The following SPARCL1 variants were observed in gnomAD, a reference collection of about 807,000 sequenced individuals.
SPARCL1 encodes the protein SPARC like 1.
SPARCL1 carries 52 observed loss-of-function variants against 67.1 expected under a neutral mutation model. The observed-to-expected ratio is 0.78, with a 90% CI of 0.62 to 0.98. SPARCL1 has a LOEUF of 0.98. Ranked by LOEUF, SPARCL1 falls within the 50% of genes least tolerant of loss-of-function variation. The probability of loss-of-function intolerance (pLI) is 0.00; values close to 1 mark genes in which losing one functional copy is unlikely to be tolerated. For missense variants in SPARCL1, 717 were observed against 782.4 expected (o/e 0.92, Z 1.00); for synonymous variants, 226 against 267.8 (o/e 0.84, Z 1.52).
At position 87,473,777 on chromosome 4, in the gene SPARCL1, A is replaced by C. The variant is rs1423910460; in HGVS notation, c.1993T>G (p.Ter665GlyextTer16). The change falls in exon 11 of 11, where the codon TGA (stop) becomes GGA (glycine). Residue 665 changes from the stop codon to glycine (G), a stop_lost. Transcript: ENST00000282470. ...EEDIDENLLF[*>G] ...GTTGAGTTCTTTAAAATCTTCGTTCAAAACAAGAGATTTTCATCTATGTCC... is the reference window on the plus strand; with the variant it reads ...GTTGAGTTCTTTAAAATCTTCGTTCCAAACAAGAGATTTTCATCTATGTCC... 2 of 1,609,222 alleles carry C rather than the reference A, an allele frequency of 1.2e-6. No individual in the cohort carries two copies. Among genetic ancestry groups the C allele is most frequent in the East Asian group, 2.2e-5 (1 of 44,798 alleles).
At chr4:87,503,661 G>A (rs2110240423) in intron 1 of SPARCL1, among the ~76,000 whole-genome samples, 1 of 148,036 alleles carries the variant, frequency 6.8e-6, no homozygotes, top group Admixed American at 6.8e-5. Context: ...TTCTAACTCA[G>A]CAAATGAAGT....
rs115887780 is a variant in SPARCL1, at chr4:87,490,003, T to C, written c.1531+270A>G. On this transcript the variant is annotated intron_variant, in intron 7 of 10. Transcript: ENST00000282470. The stretch of plus-strand genomic sequence containing the variant: ...AAGTGGATAGCATTATCATAGTGGT[T>C]CTGAGCCCTGGCTGCACATTAGAAT... Among the ~76,000 whole-genome samples the C allele has an allele frequency of 4.7e-3, 710 of 152,332 alleles. 8 individuals are homozygous for C. The highest frequency in any genetic ancestry group is 0.016 in the African/African-American group (682 of 41,568).
rs767798129 is a variant in SPARCL1 at position 87,482,392 on chromosome 4, A to G, written c.1668+32T>C. On this transcript the variant is annotated intron_variant, in intron 8 of 10. Coordinates refer to ENST00000282470, the MANE Select transcript of SPARCL1 (RefSeq NM_004684.6). ...TTTCTTCCTCATGCCCTGTAGACAG[A>G]CATTGAAGAAGCTAACCTGTGGATA... 7 of 1,608,000 alleles carry G rather than the reference A, an allele frequency of 4.4e-6. No homozygotes were observed. The South Asian group carries it at 7.7e-5, about 18-fold the overall frequency.
At chr4:87,522,380 G>A (rs1725851868) in intron 1 of SPARCL1, among the ~76,000 whole-genome samples, 1 of 151,882 alleles carries the variant, frequency 6.6e-6, no homozygotes, top group Non-Finnish European at 1.5e-5. Context: ...TTGGGGCTTT[G>A]AGACTAACCA....
intron 1 of SPARCL1, among the ~76,000 whole-genome samples, chr4:87,511,982 T>TTTTTTA (rs1725381279): frequency 6.7e-6 from 1 of 149,806 alleles, no homozygotes; most frequent in Non-Finnish European, 1.5e-5. Flanking sequence ...TTTTTTTTTT[T>TTTTTTA]GAGACAGAGT....
chr4:87,509,189 A>G (rs1725245122), intron 1 of SPARCL1, among the ~76,000 whole-genome samples: 1 of 151,860 alleles, frequency 6.6e-6, no homozygotes, highest in African/African-American at 2.4e-5. Context: ...GGTAGTTGAT[A>G]ATAGCTAACT....
At position 87,493,705 on chromosome 4, in the gene SPARCL1, GC is replaced by G; in HGVS notation, c.1094del (p.Ser365ThrfsTer32). 1 of 1,614,118 alleles carries G rather than the reference GC, an allele frequency of 6.2e-7. No individual in the cohort carries two copies. Among genetic ancestry groups the G allele is most frequent in the Non-Finnish European group, 8.5e-7 (1 of 1,180,016 alleles). ...CTCTCTCGGCCTCCAGAAAGGCCTG[GC>G]TTGGGATGAAGTAGTCATCACTTGC... ...HSASDDYFIP[S>X]QAFLEAERAQ... On this transcript the variant is annotated frameshift_variant, in exon 4 of 11. Coordinates refer to ENST00000282470, the MANE Select transcript of SPARCL1 (RefSeq NM_004684.6). LOFTEE classifies it high-confidence loss of function.
intron 7 of SPARCL1, among the ~76,000 whole-genome samples, chr4:87,482,988 A>T: frequency 6.6e-6 from 1 of 152,172 alleles, no homozygotes; most frequent in East Asian, 1.9e-4. Flanking sequence ...GCTTAAAGAA[A>T]CAGAAGTCAA....
At chr4:87,496,862 G>C (rs990479620) in intron 2 of SPARCL1, among the ~76,000 whole-genome samples, 1 of 151,958 alleles carries the variant, frequency 6.6e-6, no homozygotes, top group Admixed American at 6.6e-5. Context: ...TGGAGTACAG[G>C]ATTTATTTTT....
At chr4:87,509,346 T>G (rs1725252116) in intron 1 of SPARCL1, among the ~76,000 whole-genome samples, 1 of 152,172 alleles carries the variant, frequency 6.6e-6, no homozygotes. Flanking sequence ...AAAGATTAAG[T>G]AACTTGTTCA....
chr4:87,506,328 C>A (rs1419967849), intron 1 of SPARCL1, among the ~76,000 whole-genome samples: 1 of 152,170 alleles, frequency 6.6e-6, no homozygotes, highest in East Asian at 1.9e-4. Flanking sequence ...TATATGTCAA[C>A]TTGACTAGAC....
rs1156821736 is a variant in SPARCL1, at chr4:87,493,884, T to C, written c.916A>G (p.Ser306Gly). The C allele has an allele frequency of 7.4e-6, 12 of 1,614,112 alleles. No individual in the cohort carries two copies. The highest frequency in any genetic ancestry group is 1.3e-5 in the African/African-American group (1 of 74,944). ...QEGKTGLEAI[S>G]NHKETEEKTV... ...TTTTCTTCTGTCTCTTTGTGGTTGC[T>C]GATAGCTTCTAGGCCAGTTTTACCC... The change falls in exon 4 of 11, where the codon AGC becomes GGC. Residue 306 changes from serine to glycine, a missense_variant. Coordinates refer to ENST00000282470, the MANE Select transcript of SPARCL1 (RefSeq NM_004684.6).
At chr4:87,499,326 T>G (rs1347466391) in intron 2 of SPARCL1, among the ~76,000 whole-genome samples, 195 bp downstream of exon 2, 2 of 152,214 alleles carry the variant, frequency 1.3e-5, no homozygotes, top group Non-Finnish European at 2.9e-5. Flanking sequence ...TAGAACCTGA[T>G]AGTTCTAAAA....
chr4:87,476,662 G>T (rs754702448), intron 10 of SPARCL1, among the ~76,000 whole-genome samples: 42 of 152,132 alleles, frequency 2.8e-4, no homozygotes, highest in Non-Finnish European at 5.1e-4. Flanking sequence ...GTCAATGCAT[G>T]GTATGCATGG....
chr4:87,519,257 A>G (rs1000839157), intron 1 of SPARCL1, among the ~76,000 whole-genome samples: 2 of 152,086 alleles, frequency 1.3e-5, no homozygotes, highest in African/African-American at 4.8e-5. Flanking sequence ...TTTTTAGTAG[A>G]GACGGGTTTT....
intron 2 of SPARCL1, 147 bp from the exon 3 acceptor site, chr4:87,495,274 T>A (rs2110230971): frequency 1.6e-6 from 1 of 631,504 alleles, no homozygotes; most frequent in East Asian, 3.0e-5. Context: ...TTTTTGAGGA[T>A]ATAAGCAGAT....
chr4:87,477,923 G>A (rs1430712075), intron 10 of SPARCL1, among the ~76,000 whole-genome samples: 2 of 152,188 alleles, frequency 1.3e-5, no homozygotes, highest in Admixed American at 6.5e-5. Context: ...TTCACAGAAT[G>A]TTTATTTCAC....
chr4:87,492,799 G>A (rs2110227454), intron 4 of SPARCL1, among the ~76,000 whole-genome samples: 1 of 152,190 alleles, frequency 6.6e-6, no homozygotes, highest in East Asian at 1.9e-4. Context: ...GGACTTTGTG[G>A]CTGCCAGGAT....
chr4:87,485,176 C>G (rs1723998977), intron 7 of SPARCL1, among the ~76,000 whole-genome samples: 1 of 152,026 alleles, frequency 6.6e-6, no homozygotes, highest in South Asian at 2.1e-4. Flanking sequence ...AGCTTCTGCC[C>G]ATTCAGTATG....
Sources: gnomAD v4.1 joint callset for allele counts (sites outside exome capture counted in the v4.1 genomes callset) on GRCh38, gnomAD v4.1.1 for gene constraint, MANE v1.5 for transcripts, NCBI Gene and HGNC (gene_info 2026-07-23, HGNC 2026-07-21) for gene names.